Variants in SEPTIN9 observed in about 807,000 individuals in gnomAD.
SEPTIN9 encodes septin-9.
Under a neutral mutation model 56.6 loss-of-function variants are expected in SEPTIN9, and 13 were observed. The ratio of observed to expected loss-of-function variants is 0.23; its 90% CI spans 0.15 to 0.37. The LOEUF (loss-of-function observed/expected upper bound fraction) is 0.37. Ranked by LOEUF, SEPTIN9 falls within the 10% of genes least tolerant of loss-of-function variation. The pLI, the probability that SEPTIN9 is intolerant of heterozygous loss-of-function variation, is 1.00. For missense variants in SEPTIN9, 650 were observed against 823.1 expected (o/e 0.79, Z 2.57); for synonymous variants, 332 against 334.1 (o/e 0.99, Z 0.07).
intron 2 of SEPTIN9, among the ~76,000 whole-genome samples, chr17:77,354,235 G>T (rs1386679357): frequency 6.6e-5 from 10 of 152,188 alleles, no homozygotes. Flanking sequence ...CTGTGAAGTA[G>T]GTAGTGTTAC....
chr17:77,309,604 G>A (rs894672152), intron 2 of SEPTIN9, among the ~76,000 whole-genome samples: 3 of 152,096 alleles, frequency 2.0e-5, no homozygotes, highest in Non-Finnish European at 2.9e-5. Context: ...CTATGTCTGG[G>A]ACTCTTGCCC....
Position 77,320,352 on chromosome 17 carries a change from C to G in SEPTIN9, c.76+13155C>G, listed in dbSNP as rs772150189. ...ATGGAGAGGGACCGGATCTCAGGTA[C>G]GCAGACAGCCCCCTCCCCATCGGCC... On this transcript the variant is annotated intron_variant, in intron 2 of 11. Coordinates refer to ENST00000427177, the MANE Select transcript of SEPTIN9 (RefSeq NM_001113491.2). 6 of 1,612,006 alleles carry G rather than the reference C, an allele frequency of 3.7e-6. No homozygotes were observed. The highest frequency in any genetic ancestry group is 1.3e-5 in the African/African-American group (1 of 75,002).
rs2039234046 is a variant in SEPTIN9, at chr17:77,476,876, G to A, written c.722-5268G>A. On this transcript the variant is annotated intron_variant, in intron 3 of 11. Coordinates refer to ENST00000427177, the MANE Select transcript of SEPTIN9 (RefSeq NM_001113491.2). The surrounding 1 kb of genome is among the most constrained non-coding windows in gnomAD (Gnocchi z 6.0). Reference sequence around the variant, plus strand: ...GGCCTCTGGGCCTCAGCTGTCCTCTGAGCTGTAAAGCTGGCTCCTGGGCAC... The same window carrying A: ...GGCCTCTGGGCCTCAGCTGTCCTCTAAGCTGTAAAGCTGGCTCCTGGGCAC... Among the ~76,000 whole-genome samples the A allele has an allele frequency of 6.6e-6, 1 of 152,244 alleles. No individual in the cohort carries two copies. Among genetic ancestry groups the A allele is most frequent in the Non-Finnish European group, 1.5e-5 (1 of 68,040 alleles).
intron 1 of SEPTIN9, among the ~76,000 whole-genome samples, chr17:77,287,617 CCA>C (rs777204767): frequency 6.6e-6 from 1 of 152,208 alleles, no homozygotes; most frequent in Non-Finnish European, 1.5e-5. Flanking sequence ...TGCTCCCAGC[CCA>C]GTTTCTCTCT....
At chr17:77,363,609 A>C (rs1568015180) in intron 2 of SEPTIN9, among the ~76,000 whole-genome samples, 1 of 151,996 alleles carries the variant, frequency 6.6e-6, no homozygotes, top group Non-Finnish European at 1.5e-5. Flanking sequence ...GCTGGTCTCG[A>C]ATTCCTGACC....
chr17:77,411,469 A>G (rs1196405307), intron 3 of SEPTIN9, among the ~76,000 whole-genome samples: 1 of 148,866 alleles, frequency 6.7e-6, no homozygotes, highest in Non-Finnish European at 1.5e-5. Context: ...ACTGTGGCTC[A>G]CTGTAACCTC....
chr17:77,450,704 A>G lies in SEPTIN9; in HGVS notation c.722-31440A>G. The G allele has an allele frequency of 1.0e-6, 1 of 986,216 alleles. No individual in the cohort carries two copies. Among genetic ancestry groups the G allele is most frequent in the Non-Finnish European group, 1.2e-6 (1 of 830,650 alleles). The allele number at this position is 986,216 out of a possible 1,614,324, so 61.1% of individuals were successfully genotyped here. A position where few individuals can be genotyped will look rare whatever the true frequency, so the allele number is the denominator to read the frequency against. On this transcript the variant is annotated intron_variant, in intron 3 of 11. Transcript: ENST00000427177. This position sits in a 1 kb window ranked among gnomAD's most constrained non-coding sequence, Gnocchi z 6.0. Reference sequence around the variant, plus strand: ...AGAGGAAGAGACTGACTCACTGGCCAGGTCCCCCAGGGGCTGGAGAGGCTG... The same window carrying G: ...AGAGGAAGAGACTGACTCACTGGCCGGGTCCCCCAGGGGCTGGAGAGGCTG...
intron 3 of SEPTIN9, among the ~76,000 whole-genome samples, chr17:77,422,441 C>T (rs921286978): frequency 1.3e-5 from 2 of 152,202 alleles, no homozygotes; most frequent in Non-Finnish European, 2.9e-5. Flanking sequence ...GGGAGCTTCT[C>T]CCCTTGTCTC....
intron 3 of SEPTIN9, among the ~76,000 whole-genome samples, chr17:77,440,613 C>G (rs924258142): frequency 6.6e-6 from 1 of 152,246 alleles, no homozygotes; most frequent in African/African-American, 2.4e-5. Context: ...GACAGCTGCT[C>G]CCTTCCTCTT....
intron 2 of SEPTIN9, among the ~76,000 whole-genome samples, chr17:77,328,672 G>A (rs193165992): frequency 1.3e-5 from 2 of 152,276 alleles, no homozygotes; most frequent in East Asian, 3.9e-4. Flanking sequence ...GGCCCGTCTG[G>A]TGAATGTTTA....
chr17:77,398,044 G>GCT (rs2035782576), intron 2 of SEPTIN9, among the ~76,000 whole-genome samples: 1 of 151,332 alleles, frequency 6.6e-6, no homozygotes, highest in Non-Finnish European at 1.5e-5. Context: ...TGTGATCATG[G>GCT]CTCACTGCAG....
At chr17:77,478,858 A>G (rs1286243744) in intron 3 of SEPTIN9, among the ~76,000 whole-genome samples, 1 of 152,056 alleles carries the variant, frequency 6.6e-6, no homozygotes, top group Non-Finnish European at 1.5e-5. Flanking sequence ...AGCCGTAAAG[A>G]GGAAGTTAGG....
At chr17:77,383,780 A>AGT (rs772991440) in intron 2 of SEPTIN9, among the ~76,000 whole-genome samples, 11 of 152,148 alleles carry the variant, frequency 7.2e-5, no homozygotes, top group Non-Finnish European at 1.3e-4. Flanking sequence ...CCCAGGGCGG[A>AGT]GTGTAGGCAG....
At position 77,323,375 on chromosome 17, in the gene SEPTIN9, G is replaced by A. The variant is rs529359955; in HGVS notation, c.76+16178G>A. Reference sequence around the variant, plus strand: ...TAAGCAGTTTTATCTTGTTCCAAGAGCTTGTATTTCAGCAGGGAGAGAGTC... The same window carrying A: ...TAAGCAGTTTTATCTTGTTCCAAGAACTTGTATTTCAGCAGGGAGAGAGTC... On this transcript the variant is annotated intron_variant, in intron 2 of 11. Transcript: ENST00000427177. The surrounding 1 kb of genome is among the most constrained non-coding windows in gnomAD (Gnocchi z 6.8). Among the ~76,000 whole-genome samples the A allele has an allele frequency of 2.6e-5, 4 of 152,286 alleles. No individual in the cohort carries two copies. Among genetic ancestry groups the A allele is most frequent in the African/African-American group, 9.6e-5 (4 of 41,572 alleles).
In SEPTIN9 at chr17:77,319,953, G is replaced by C. The variant is rs886842362; in HGVS notation, c.76+12756G>C. The C allele has an allele frequency of 8.6e-7, 1 of 1,164,208 alleles. No individual in the cohort carries two copies. The allele number at this position is 1,164,208 out of a possible 1,614,324, so 72.1% of individuals were successfully genotyped here. On this transcript the variant is annotated intron_variant, in intron 2 of 11. Coordinates refer to ENST00000427177, the MANE Select transcript of SEPTIN9 (RefSeq NM_001113491.2). This position sits in a 1 kb window ranked among gnomAD's most constrained non-coding sequence, Gnocchi z 5.3. ...GACCTCTGCAGCCACCGACCAGACCGGGCGGCCGGGACTCTGGGACTCTCG... is the reference window on the plus strand; with the variant it reads ...GACCTCTGCAGCCACCGACCAGACCCGGCGGCCGGGACTCTGGGACTCTCG...
chr17:77,309,913 G>A (rs1481692749), intron 2 of SEPTIN9, among the ~76,000 whole-genome samples: 1 of 152,110 alleles, frequency 6.6e-6, no homozygotes, highest in Non-Finnish European at 1.5e-5. Context: ...CCGCCCCTCT[G>A]GATTGGGATC....
chr17:77,488,690 T>G lies in SEPTIN9; in HGVS notation c.1125-37T>G, dbSNP rs1568117121. 1.9e-6 allele frequency: 3 copies of G among 1,612,584 alleles called. No homozygotes were observed. In the African/African-American group the frequency reaches 4.0e-5, roughly 22 times the overall value. ...GCACGACCTGCTTGGGGAGGGCATC[T>G]CATGTGCCTGCTGACTCGTCCCCAT... On this transcript the variant is annotated intron_variant, in intron 6 of 11. Coordinates refer to ENST00000427177, the MANE Select transcript of SEPTIN9 (RefSeq NM_001113491.2).
At chr17:77,468,191 G>A (rs773817864) in intron 3 of SEPTIN9, among the ~76,000 whole-genome samples, 59 of 152,288 alleles carry the variant, frequency 3.9e-4, no homozygotes, top group Non-Finnish European at 6.8e-4. Flanking sequence ...CGTGAACCCG[G>A]GAGGCAGAGC....
chr17:77,475,881 C>T lies in SEPTIN9; in HGVS notation c.722-6263C>T. ...AGGATGACCTTGCATTCTGCTTGGCCACCATTGGCAGTGACAGACAAGGTG... is the reference window on the plus strand; with the variant it reads ...AGGATGACCTTGCATTCTGCTTGGCTACCATTGGCAGTGACAGACAAGGTG... On this transcript the variant is annotated intron_variant, in intron 3 of 11. Transcript: ENST00000427177. The surrounding 1 kb of genome is among the most constrained non-coding windows in gnomAD (Gnocchi z 4.6). The T allele has an allele frequency of 6.2e-7, 1 of 1,612,136 alleles. No homozygotes were observed. The highest frequency in any genetic ancestry group is 1.1e-5 in the South Asian group (1 of 91,036).
Sources: gnomAD v4.1 joint callset for allele counts (sites outside exome capture counted in the v4.1 genomes callset) on GRCh38, gnomAD v4.1.1 for gene constraint, Gnocchi (gnomAD v3.1) non-coding constraint, MANE v1.5 for transcripts, NCBI Gene and HGNC (gene_info 2026-07-23, HGNC 2026-07-21) for gene names.